The following SNIP1 variants were observed in gnomAD, a reference collection of about 807,000 sequenced individuals.
SNIP1 encodes Smad nuclear interacting protein 1.
SNIP1 carries 23 observed loss-of-function variants against 37.4 expected under a neutral mutation model. The observed-to-expected ratio is 0.61, with a 90% CI of 0.44 to 0.87. The LOEUF (loss-of-function observed/expected upper bound fraction) is 0.87. SNIP1 is among the 40% of genes least tolerant of loss of function. The probability of loss-of-function intolerance (pLI) is 0.00; values close to 1 mark genes in which losing one functional copy is unlikely to be tolerated. For synonymous variants in SNIP1, 174 were observed against 200.0 expected (o/e 0.87, Z 1.10); for missense variants, 459 against 540.4 (o/e 0.85, Z 1.49).
At chr1:37,544,446 C>CAAAA (rs11374263) in intron 2 of SNIP1, among the ~76,000 whole-genome samples, 18 of 93,824 alleles carry the variant, frequency 1.9e-4, no homozygotes, top group South Asian at 7.0e-4. Flanking sequence ...GACTCTGTCT[C>CAAAA]AAAAAAAAAA....
Position 37,554,124 on chromosome 1 carries a change from G to C in SNIP1, c.106C>G (p.Pro36Ala), listed in dbSNP as rs1274966108. ...GVVVKQERLS[P>A]EVAPPAHRRP... is the part of the protein sequence containing the mutation. ...CGGTGGGCGGGAGGTGCGACTTCTG[G>C]GCTGAGACGCTCCTGCTTCACCACC... The change falls in exon 1 of 4, where the codon CCA (proline) becomes GCA (alanine). Residue 36 changes from proline to alanine, a missense_variant. By Grantham distance (27) the Pro-to-Ala change is conservative. Transcript: ENST00000296215. 1 of 1,613,042 alleles carries C rather than the reference G, an allele frequency of 6.2e-7. No homozygotes were observed.
chr1:37,554,274 C>T lies in SNIP1; in HGVS notation c.-45G>A, dbSNP rs771981369. 38 of 1,531,466 alleles carry T rather than the reference C, an allele frequency of 2.5e-5. No homozygotes were observed. The South Asian group carries it at 4.5e-4, about 18-fold the overall frequency. The allele number at this position is 1,531,466 out of a possible 1,614,324, so 94.9% of individuals were successfully genotyped here. A position where few individuals can be genotyped will look rare whatever the true frequency, so the allele number is the denominator to read the frequency against. Reference sequence around the variant, plus strand: ...GAAAGAAAACAGATCAGTTGAGCTCCTCTAGCTGGAGGAAATGACGAGTTT... The same window carrying T: ...GAAAGAAAACAGATCAGTTGAGCTCTTCTAGCTGGAGGAAATGACGAGTTT... On this transcript the variant is annotated 5_prime_UTR_variant, in exon 1 of 4. Transcript: ENST00000296215.
chr1:37,549,580 T>C (rs1643279537), intron 2 of SNIP1, among the ~76,000 whole-genome samples: 1 of 152,042 alleles, frequency 6.6e-6, no homozygotes, highest in African/African-American at 2.4e-5. Flanking sequence ...GCCCAACTAA[T>C]TTTTGTATTT....
At position 37,554,119 on chromosome 1, in the gene SNIP1, T is replaced by C. The variant is rs1557630151; in HGVS notation, c.111A>G (p.Glu37=). The C allele has an allele frequency of 6.2e-7, 1 of 1,612,762 alleles. No homozygotes were observed. The highest frequency in any genetic ancestry group is 1.7e-5 in the Admixed American group (1 of 59,946). Reference sequence around the variant, plus strand: ...GACGGCGGTGGGCGGGAGGTGCGACTTCTGGGCTGAGACGCTCCTGCTTCA... The same window carrying C: ...GACGGCGGTGGGCGGGAGGTGCGACCTCTGGGCTGAGACGCTCCTGCTTCA... The part of the protein sequence containing the change: ...VVVKQERLSP[E]VAPPAHRRPD... Residue 37 remains glutamate (E), a synonymous_variant, in exon 1 of 4, where the codon GAA becomes GAG. Coordinates refer to ENST00000296215, the MANE Select transcript of SNIP1 (RefSeq NM_024700.4).
rs550915294 is a variant in SNIP1 at position 37,535,230 on chromosome 1, T to TTATA, written c.*2514_*2517dup. The TTATA allele has an allele frequency of 9.8e-4, 17 of 17,304 alleles. 4 individuals carry two copies. Among genetic ancestry groups the TTATA allele is most frequent in the Admixed American group, 1.5e-3 (2 of 1,332 alleles). 1.1% of individuals were successfully genotyped at this position (17,304 alleles called of 1,614,324 possible). On this transcript the variant is annotated 3_prime_UTR_variant, in exon 4 of 4. Coordinates refer to ENST00000296215, the MANE Select transcript of SNIP1 (RefSeq NM_024700.4). The stretch of plus-strand genomic sequence containing the variant: ...ACTAAAAAAAAATAAAAAATAAAAA[T>TTATA]TATATATATAAATTAGCCAGGCTTG...
At position 37,548,516 on chromosome 1, in the gene SNIP1, A is replaced by G. The variant is rs566021490; in HGVS notation, c.327+4129T>C. Among the ~76,000 whole-genome samples the G allele has an allele frequency of 6.6e-5, 10 of 151,858 alleles. No individual in the cohort carries two copies. The South Asian group carries it at 2.1e-3, about 32-fold the overall frequency. ...TTTTTAGTAGAGACGAAGTTTCACCATGTTGGCCAGGCTGGTCTCCTGACC... is the reference window on the plus strand; with the variant it reads ...TTTTTAGTAGAGACGAAGTTTCACCGTGTTGGCCAGGCTGGTCTCCTGACC... On this transcript the variant is annotated intron_variant, in intron 2 of 3. Coordinates refer to ENST00000296215, the MANE Select transcript of SNIP1 (RefSeq NM_024700.4).
rs1553165936 is a variant in SNIP1 at position 37,543,908 on chromosome 1, A to AGAGG, written c.328-3154_328-3153insCCTC. On this transcript the variant is annotated intron_variant, in intron 2 of 3. Transcript: ENST00000296215. ...GTAATCCCAGCACTTTGGGAGGGCA[A>AGAGG]GGGGGGGGGCAGGTCACTTGAGGTC... Among the ~76,000 whole-genome samples the AGAGG allele has an allele frequency of 3.2e-3, 483 of 148,866 alleles. 4 individuals carry two copies. The highest frequency in any genetic ancestry group is 0.011 in the African/African-American group (459 of 40,386).
At chr1:37,544,751 G>A (rs1643212383) in intron 2 of SNIP1, 5 of 683,258 alleles carry the variant, frequency 7.3e-6, no homozygotes, top group East Asian at 2.8e-5. Context: ...CACAGCCACC[G>A]TGGCCACCAC....
intron 2 of SNIP1, among the ~76,000 whole-genome samples, chr1:37,547,599 T>A (rs1458958775): frequency 6.6e-6 from 1 of 151,654 alleles, no homozygotes; most frequent in Non-Finnish European, 1.5e-5. Flanking sequence ...CCGGGCATGG[T>A]GGCACGTGCC....
rs937818211 is a variant in SNIP1, at chr1:37,536,869, CAT to C, written c.*877_*878del. On this transcript the variant is annotated 3_prime_UTR_variant, in exon 4 of 4. Coordinates refer to ENST00000296215, the MANE Select transcript of SNIP1 (RefSeq NM_024700.4). ...CAACACAACCTGCTTTAGATCTATA[CAT>C]GTTATTAGAATAAAGAAAGAACGCT... 3 of 152,130 alleles carry C rather than the reference CAT, an allele frequency of 2.0e-5. No homozygotes were observed. Among genetic ancestry groups the C allele is most frequent in the Non-Finnish European group, 4.4e-5 (3 of 68,018 alleles). The allele number at this position is 152,130 out of a possible 1,614,324, so 9.4% of individuals were successfully genotyped here.
At chr1:37,538,425 C>G (rs1006304836) in intron 3 of SNIP1, among the ~76,000 whole-genome samples, 1 of 145,580 alleles carries the variant, frequency 6.9e-6, no homozygotes, top group Non-Finnish European at 1.5e-5. Flanking sequence ...ACGAGAATGG[C>G]GTGAACCCAG....
chr1:37,542,568 T>C (rs1643188005), intron 2 of SNIP1, among the ~76,000 whole-genome samples: 2 of 151,484 alleles, frequency 1.3e-5, no homozygotes, highest in African/African-American at 4.9e-5. Context: ...GGCGAAACTC[T>C]GTCTCTACTA....
At position 37,544,957 on chromosome 1, in the gene SNIP1, G is replaced by A. The variant is rs113232842; in HGVS notation, c.328-4202C>T. ...AGGAGAGGGAACATGCCAAGAAACTGATGAAGCTGCAGAACCAATGAGGTG... is the reference window on the plus strand; with the variant it reads ...AGGAGAGGGAACATGCCAAGAAACTAATGAAGCTGCAGAACCAATGAGGTG... On this transcript the variant is annotated intron_variant, in intron 2 of 3. Transcript: ENST00000296215. 1.2e-4 allele frequency: 95 copies of A among 812,760 alleles called. No individual in the cohort carries two copies. In the African/African-American group the frequency reaches 1.4e-3, roughly 12 times the overall value. The allele number at this position is 812,760 out of a possible 1,614,324, so 50.3% of individuals were successfully genotyped here. A position where few individuals can be genotyped will look rare whatever the true frequency, so the allele number is the denominator to read the frequency against.
At chr1:37,551,074 G>GACACACACGC (rs1553166414) in intron 2 of SNIP1, among the ~76,000 whole-genome samples, 1 of 143,920 alleles carries the variant, frequency 6.9e-6, no homozygotes, top group African/African-American at 2.6e-5. Context: ...CAGCCTGGGT[G>GACACACACGC]ACACACACAC....
chr1:37,551,073 T>TCACACACACACA (rs1643295160), intron 2 of SNIP1, among the ~76,000 whole-genome samples: 2 of 61,698 alleles, frequency 3.2e-5, no homozygotes, highest in Admixed American at 4.6e-4. Flanking sequence ...CCAGCCTGGG[T>TCACACACACACA]GACACACACA....
chr1:37,547,355 G>C (rs771456855), intron 2 of SNIP1, among the ~76,000 whole-genome samples: 1 of 152,120 alleles, frequency 6.6e-6, no homozygotes, highest in Non-Finnish European at 1.5e-5. Context: ...TTTTGGGGAC[G>C]AGAGAAGTAA....
chr1:37,551,544 A>C (rs923242110), intron 2 of SNIP1, among the ~76,000 whole-genome samples: 13 of 152,224 alleles, frequency 8.5e-5, no homozygotes, highest in East Asian at 3.8e-4. Flanking sequence ...AGAGCTGGTT[A>C]AGTTAAAATG....
At chr1:37,553,434 GGTT>G (rs1397992764) in intron 1 of SNIP1, among the ~76,000 whole-genome samples, 1 of 151,966 alleles carries the variant, frequency 6.6e-6, no homozygotes, top group Non-Finnish European at 1.5e-5. Flanking sequence ...CATGTCTCAG[GGTT>G]AGAGCATAGC....
chr1:37,536,344 T>G lies in SNIP1; in HGVS notation c.*1404A>C, dbSNP rs563306256. The G allele has an allele frequency of 2.0e-5, 3 of 152,204 alleles. No homozygotes were observed. Among genetic ancestry groups the G allele is most frequent in the East Asian group, 1.9e-4 (1 of 5,168 alleles). The allele number at this position is 152,204 out of a possible 1,614,324, so 9.4% of individuals were successfully genotyped here. On this transcript the variant is annotated 3_prime_UTR_variant, in exon 4 of 4. Coordinates refer to ENST00000296215, the MANE Select transcript of SNIP1 (RefSeq NM_024700.4). ...ACTGATTGAGCTGCTTCACCACCTT[T>G]CCCCACAACCCACCTCCATGTCACC...
Sources: allele counts gnomAD v4.1 joint callset (sites outside exome capture counted in the v4.1 genomes callset), GRCh38; gene constraint gnomAD v4.1.1; transcripts MANE v1.5; gene names NCBI Gene and HGNC (gene_info 2026-07-23, HGNC 2026-07-21).